Variants in RAD51B observed in about 807,000 individuals in gnomAD.
The protein encoded by RAD51B is DNA repair protein RAD51 homolog 2.
A neutral mutation model predicts 42.2 loss-of-function variants in RAD51B; 38 were observed. The ratio of observed to expected loss-of-function variants is 0.90; its 90% CI spans 0.70 to 1.18. The LOEUF (loss-of-function observed/expected upper bound fraction) is 1.18. RAD51B is among the 50% of genes most tolerant of loss of function. The probability of loss-of-function intolerance (pLI) is 0.00; values close to 1 mark genes in which losing one functional copy is unlikely to be tolerated. For missense variants in RAD51B, 373 were observed against 400.7 expected, an observed-to-expected ratio of 0.93 and a Z score of 0.59; for synonymous variants, 154 against 145.2, an observed-to-expected ratio of 1.06 and a Z score of -0.43.
intron 8 of RAD51B, among the ~76,000 whole-genome samples, chr14:68,344,691 T>A (rs532029631): frequency 2.4e-4 from 36 of 151,524 alleles, no homozygotes; most frequent in African/African-American, 8.2e-4. Flanking sequence ...CTCACGCCTG[T>A]AATCCCAGCA....
chr14:68,335,028 G>A (rs969933532), intron 8 of RAD51B, among the ~76,000 whole-genome samples: 6 of 149,444 alleles, frequency 4.0e-5, no homozygotes, highest in Non-Finnish European at 8.9e-5. Context: ...TGGGCGCAGT[G>A]GCTCATGCCT....
At chr14:68,040,884 T>G (rs1428442055) in intron 7 of RAD51B, among the ~76,000 whole-genome samples, 2 of 152,198 alleles carry the variant, frequency 1.3e-5, no homozygotes, top group Non-Finnish European at 2.9e-5. Flanking sequence ...CACATTAAAG[T>G]TTGAGAAGCA....
intron 7 of RAD51B, among the ~76,000 whole-genome samples, chr14:68,206,563 C>A (rs2079589810): frequency 6.6e-6 from 1 of 152,092 alleles, no homozygotes; most frequent in South Asian, 2.1e-4. Flanking sequence ...CCAGTTTGTA[C>A]TGGTCATGGA....
intron 7 of RAD51B, among the ~76,000 whole-genome samples, chr14:68,078,533 C>G (rs944924503): frequency 6.6e-6 from 1 of 151,708 alleles, no homozygotes; most frequent in Non-Finnish European, 1.5e-5. Context: ...AGCAGCTTGT[C>G]TAGGTGCAAT....
chr14:68,647,514 C>T (rs890957193), intron 10 of RAD51B, among the ~76,000 whole-genome samples: 1 of 151,960 alleles, frequency 6.6e-6, no homozygotes, highest in Non-Finnish European at 1.5e-5. Context: ...ATTTTAGAGC[C>T]TGTTAAGGTT....
At chr14:68,291,178 T>G (rs753258518) in intron 7 of RAD51B, among the ~76,000 whole-genome samples, 3 of 151,940 alleles carry the variant, frequency 2.0e-5, no homozygotes, top group Admixed American at 6.6e-5. Context: ...TTTATTTTAT[T>G]TTGTTTTTAA....
intron 7 of RAD51B, among the ~76,000 whole-genome samples, chr14:68,223,424 A>C (rs1267118218): frequency 6.6e-6 from 1 of 152,256 alleles, no homozygotes; most frequent in Non-Finnish European, 1.5e-5. Context: ...GCCTGGAAGC[A>C]CATACATGTA....
At chr14:68,582,967 AGGGAG>A (rs1244046763) in intron 10 of RAD51B, among the ~76,000 whole-genome samples, 1 of 152,080 alleles carries the variant, frequency 6.6e-6, no homozygotes, top group African/African-American at 2.4e-5. Flanking sequence ...ACATGGACAC[AGGGAG>A]GGGAACGTCA....
At chr14:68,461,856 A>G (rs531407543) in intron 9 of RAD51B, among the ~76,000 whole-genome samples, 4 of 152,210 alleles carry the variant, frequency 2.6e-5, no homozygotes, top group Non-Finnish European at 5.9e-5. Flanking sequence ...ATGGGCCCCA[A>G]TGGCCAATTT....
intron 3 of RAD51B, among the ~76,000 whole-genome samples, chr14:67,832,095 G>T (rs11626809): frequency 0.097 from 14,828 of 152,276 alleles, 982 homozygotes; most frequent in Middle Eastern, 0.24. Flanking sequence ...TTACATTTAT[G>T]TTAGGGAATA....
intron 6 of RAD51B, chr14:67,886,473 T>G (rs2043064397): frequency 4.6e-6 from 1 of 216,998 alleles, no homozygotes. Context: ...TTGCTGGCAG[T>G]GGGCAAGAGA....
intron 7 of RAD51B, among the ~76,000 whole-genome samples, chr14:67,966,482 CTTCAAAACATG>C (rs931143506): frequency 6.6e-6 from 1 of 152,198 alleles, no homozygotes; most frequent in Non-Finnish European, 1.5e-5. Flanking sequence ...AACATAGTAT[CTTCAAAACATG>C]TGGAATGTTT....
At chr14:67,863,089 T>TTA (rs1338624786) in intron 4 of RAD51B, among the ~76,000 whole-genome samples, 2 of 152,030 alleles carry the variant, frequency 1.3e-5, no homozygotes, top group East Asian at 3.8e-4. Flanking sequence ...AATTATTTAT[T>TTA]CTTAAAGTCT....
chr14:68,463,562 A>G (rs1032245179), intron 9 of RAD51B, among the ~76,000 whole-genome samples: 2 of 152,152 alleles, frequency 1.3e-5, no homozygotes, highest in African/African-American at 4.8e-5. Flanking sequence ...TCTTCACATA[A>G]TATGTACTAG....
rs185713277 is a variant in RAD51B, at chr14:68,366,418, A to C, written c.854-45006A>C. On this transcript the variant is annotated intron_variant, in intron 8 of 10. Coordinates refer to ENST00000471583, the MANE Select transcript of RAD51B (RefSeq NM_133510.4). ...GAAACAACAACAACAAAAATAACTA[A>C]TAAAGGTCTGAGACAAGATGATGGA... 1.9e-4 allele frequency among the ~76,000 whole-genome samples: 29 copies of C among 152,340 alleles called. No homozygotes were observed. In the East Asian group the frequency reaches 4.6e-3, roughly 24 times the overall value.
At chr14:67,944,370 G>A (rs888774590) in intron 7 of RAD51B, among the ~76,000 whole-genome samples, 1 of 151,880 alleles carries the variant, frequency 6.6e-6, no homozygotes, top group African/African-American at 2.4e-5. Flanking sequence ...ATTTATGAGG[G>A]TTTTGTTTGT....
intron 8 of RAD51B, among the ~76,000 whole-genome samples, chr14:68,388,708 T>G (rs2083665590): frequency 1.3e-5 from 2 of 152,190 alleles, no homozygotes; most frequent in African/African-American, 4.8e-5. Context: ...ACAAAGTCCC[T>G]GCCCTCACAG....
intron 9 of RAD51B, among the ~76,000 whole-genome samples, chr14:68,465,963 T>TAAAA: frequency 1.0e-5 from 1 of 95,682 alleles, no homozygotes; most frequent in African/African-American, 3.1e-5. Context: ...AATAAATAAA[T>TAAAA]AAATAAATAA....
chr14:68,590,110 C>T (rs1180980814), intron 10 of RAD51B, among the ~76,000 whole-genome samples: 2 of 152,192 alleles, frequency 1.3e-5, no homozygotes, highest in East Asian at 3.9e-4. Flanking sequence ...CCTGAGCAGC[C>T]GACTGGGGTG....
Sources: allele counts gnomAD v4.1 joint callset (sites outside exome capture counted in the v4.1 genomes callset), GRCh38; gene constraint gnomAD v4.1.1; transcripts MANE v1.5; gene names NCBI Gene and HGNC (gene_info 2026-07-23, HGNC 2026-07-21).